The following MARCHF6 variants were observed in gnomAD, a reference collection of about 807,000 sequenced individuals.
MARCHF6 encodes the protein membrane associated ring-CH-type finger 6, also known as E3 ubiquitin-protein ligase MARCHF6.
Under a neutral mutation model 133.7 loss-of-function variants are expected in MARCHF6, and 31 were observed. The observed-to-expected ratio is 0.23, with a 90% confidence interval of 0.17 to 0.31. The LOEUF (loss-of-function observed/expected upper bound fraction) is 0.31. MARCHF6 is among the 10% of genes least tolerant of loss of function. MARCHF6 has a pLI of 1.00. For synonymous variants in MARCHF6, 395 were observed against 402.5 expected (o/e 0.98, Z 0.22); for missense variants, 723 against 1,121.6 (o/e 0.64, Z 5.08).
Position 10,415,632 on chromosome 5 carries a change from G to C in MARCHF6, c.2111G>C (p.Arg704Thr), listed in dbSNP as rs1248186635. 1.9e-6 allele frequency: 3 copies of C among 1,614,172 alleles called. No homozygotes were observed. Among genetic ancestry groups the C allele is most frequent in the Non-Finnish European group, 1.7e-6 (2 of 1,180,028 alleles). Residue 704 changes from arginine to threonine, a missense_variant, in exon 21 of 26, where the codon AGA becomes ACA. Arg to Thr is a moderately conservative substitution (Grantham distance 71). Around this residue, in one of 4 missense-constraint regions of MARCHF6, gnomAD observed 492 missense variants for 699.5 expected, o/e 0.70. Transcript: ENST00000274140. ...VMVAWMPQGR[R>T]VIFQKVKEWS... Reference sequence around the variant, plus strand: ...GTGGCATGGATGCCTCAGGGACGCAGAGTGATCTTCCAGAAGGTTAAAGAG... The same window carrying C: ...GTGGCATGGATGCCTCAGGGACGCACAGTGATCTTCCAGAAGGTTAAAGAG...
At chr5:10,377,282 GTA>G (rs1017485500) in intron 1 of MARCHF6, among the ~76,000 whole-genome samples, 1 of 152,270 alleles carries the variant, frequency 6.6e-6, no homozygotes, top group Non-Finnish European at 1.5e-5. Context: ...TAAAGTGTGT[GTA>G]TGTGTGTGTG....
Position 10,391,100 on chromosome 5 carries a change from T to C in MARCHF6, c.577-442T>C, listed in dbSNP as rs527850835. ...TGAAAGGTTTTGTTTTTAAAAAGAA[T>C]TTAGTAGAGTTTATATTTGTTTTCT... On this transcript the variant is annotated intron_variant, in intron 6 of 25. Coordinates refer to ENST00000274140, the MANE Select transcript of MARCHF6 (RefSeq NM_005885.4). 1.6e-4 allele frequency among the ~76,000 whole-genome samples: 24 copies of C among 152,292 alleles called. 2 individuals carry two copies. In the South Asian group the frequency reaches 4.1e-3, roughly 26 times the overall value.
intron 19 of MARCHF6, among the ~76,000 whole-genome samples, chr5:10,412,827 G>T (rs1579602735): frequency 6.6e-6 from 1 of 152,100 alleles, no homozygotes; most frequent in Non-Finnish European, 1.5e-5. Flanking sequence ...TGCCTGCCTC[G>T]GCCTCCCAAA....
At chr5:10,363,311 GT>G (rs1735937245) in intron 1 of MARCHF6, among the ~76,000 whole-genome samples, 1 of 152,168 alleles carries the variant, frequency 6.6e-6, no homozygotes. Context: ...TCAGAACTCA[GT>G]AATAAGAAAA....
At chr5:10,413,354 C>T (rs184586619) in intron 19 of MARCHF6, 4 of 152,204 alleles carry the variant, frequency 2.6e-5, no homozygotes, top group Non-Finnish European at 5.9e-5. Context: ...CACACAGTTA[C>T]AGCTGACAAA....
intron 4 of MARCHF6, among the ~76,000 whole-genome samples, chr5:10,382,886 A>C (rs1338817143): frequency 6.6e-6 from 1 of 152,172 alleles, no homozygotes; most frequent in Admixed American, 6.6e-5. Flanking sequence ...AATAATTGGG[A>C]GGCTTATCTT....
rs2126784871 is a variant in MARCHF6, at chr5:10,410,069, G to T, written c.1554-70G>T. 5 of 1,455,680 alleles carry T rather than the reference G, an allele frequency of 3.4e-6. No homozygotes were observed. In the South Asian group the frequency reaches 4.9e-5, roughly 14 times the overall value. 90.2% of individuals were successfully genotyped at this position (1,455,680 alleles called of 1,614,324 possible). A position where few individuals can be genotyped will look rare whatever the true frequency, so the allele number is the denominator to read the frequency against. The stretch of plus-strand genomic sequence containing the variant: ...AAGTTTATTAGATTCTTAAGAAGTT[G>T]CGTTGTAATCCCATTAAATAGTAGT... On this transcript the variant is annotated intron_variant, in intron 17 of 25. Transcript: ENST00000274140.
intron 7 of MARCHF6, among the ~76,000 whole-genome samples, chr5:10,393,613 A>C (rs1387739269): frequency 6.6e-6 from 1 of 152,154 alleles, no homozygotes; most frequent in Non-Finnish European, 1.5e-5. Flanking sequence ...TGCTCCACAT[A>C]GTTCATATTA....
rs1341642363 is a variant in MARCHF6, at chr5:10,437,072, A to G, written c.*3388A>G. 1 of 152,224 alleles carries G rather than the reference A, an allele frequency of 6.6e-6. No homozygotes were observed. Among genetic ancestry groups the G allele is most frequent in the Non-Finnish European group, 1.5e-5 (1 of 68,030 alleles). The allele number at this position is 152,224 out of a possible 1,614,324, so 9.4% of individuals were successfully genotyped here. ...TTGAATTGATGACTTTTTAAAACAA[A>G]ACAAACACTGGACAGTTCTACATTG... is the stretch of plus-strand genomic sequence containing the variant. On this transcript the variant is annotated 3_prime_UTR_variant, in exon 26 of 26. Coordinates refer to ENST00000274140, the MANE Select transcript of MARCHF6 (RefSeq NM_005885.4).
intron 1 of MARCHF6, among the ~76,000 whole-genome samples, chr5:10,360,435 G>A (rs1007954291): frequency 6.6e-6 from 1 of 152,040 alleles, no homozygotes; most frequent in Non-Finnish European, 1.5e-5. Flanking sequence ...CACCGCGCCC[G>A]GCTGTATGTG....
rs1739401268 is a variant in MARCHF6, at chr5:10,414,567, G to C, written c.1966+65G>C. The C allele has an allele frequency of 3.8e-6, 5 of 1,330,862 alleles. No individual in the cohort carries two copies. In the South Asian group the frequency reaches 5.9e-5, roughly 16 times the overall value. The allele number at this position is 1,330,862 out of a possible 1,614,324, so 82.4% of individuals were successfully genotyped here. A position where few individuals can be genotyped will look rare whatever the true frequency, so the allele number is the denominator to read the frequency against. On this transcript the variant is annotated intron_variant, in intron 20 of 25. Coordinates refer to ENST00000274140, the MANE Select transcript of MARCHF6 (RefSeq NM_005885.4). ...AGGTTATTTATTTAGCTATTTGACA[G>C]AGTCTTGCTCTGTTCCCCAGTCTGG...
At chr5:10,355,755 T>C (rs1408569694) in intron 1 of MARCHF6, among the ~76,000 whole-genome samples, 2 of 152,222 alleles carry the variant, frequency 1.3e-5, no homozygotes, top group Non-Finnish European at 2.9e-5. Context: ...ATGGTTAGTA[T>C]GATTAAGTAA....
intron 22 of MARCHF6, among the ~76,000 whole-genome samples, chr5:10,420,300 G>C (rs1014425353): frequency 6.6e-6 from 1 of 152,196 alleles, no homozygotes. Context: ...CAAGGGAAGA[G>C]GACATAGACC....
intron 1 of MARCHF6, among the ~76,000 whole-genome samples, chr5:10,375,832 A>G (rs530683184): frequency 1.5e-4 from 23 of 152,302 alleles, no homozygotes; most frequent in Middle Eastern, 6.8e-3. Flanking sequence ...CAAGGTTTGT[A>G]AACACACCAA....
rs757903134 is a variant in MARCHF6, at chr5:10,439,122, T to TCTG, written c.*5442_*5444dup. On this transcript the variant is annotated 3_prime_UTR_variant, in exon 26 of 26. Transcript: ENST00000274140. ...TCATATGTTTTTGGGATCAGTCCCT[T>TCTG]CTGCTGGCTGTGCATTGGTCTAATG... 6 of 152,348 alleles carry TCTG rather than the reference T, an allele frequency of 3.9e-5. No homozygotes were observed. The South Asian group carries it at 1.2e-3, about 32-fold the overall frequency. The allele number at this position is 152,348 out of a possible 1,614,324, so 9.4% of individuals were successfully genotyped here.
chr5:10,374,306 C>T (rs1736640186), intron 1 of MARCHF6, among the ~76,000 whole-genome samples: 1 of 152,182 alleles, frequency 6.6e-6, no homozygotes, highest in South Asian at 2.1e-4. Flanking sequence ...ATGTGGTGTG[C>T]TGAATTCCTG....
intron 22 of MARCHF6, among the ~76,000 whole-genome samples, chr5:10,420,587 C>T (rs1739773692): frequency 6.6e-6 from 1 of 152,222 alleles, no homozygotes; most frequent in South Asian, 2.1e-4. Context: ...AAGGAGCCAT[C>T]TTGGCACTGT....
intron 5 of MARCHF6, among the ~76,000 whole-genome samples, chr5:10,389,286 C>T (rs1230216484): frequency 1.3e-5 from 2 of 152,156 alleles, no homozygotes; most frequent in African/African-American, 2.4e-5. Context: ...ATATTTGATG[C>T]ATTTTCTTGT....
intron 5 of MARCHF6, 33 bp from the exon 6 acceptor site, chr5:10,390,299 T>G: frequency 6.3e-7 from 1 of 1,582,814 alleles, no homozygotes; most frequent in Non-Finnish European, 8.6e-7. Flanking sequence ...AAGTCTTCTT[T>G]GGAGTAATTA....
Sources: allele counts gnomAD v4.1 joint callset (sites outside exome capture counted in the v4.1 genomes callset), GRCh38; gene constraint gnomAD v4.1.1; regional missense constraint gnomAD v4.1.1; transcripts MANE v1.5; gene names NCBI Gene and HGNC (gene_info 2026-07-23, HGNC 2026-07-21).